The following MAML3 variants were observed in gnomAD, a reference collection of about 807,000 sequenced individuals.
MAML3 encodes the protein mastermind like transcriptional coactivator 3.
Under a neutral mutation model 101.9 loss-of-function variants are expected in MAML3, and 27 were observed. The observed-to-expected ratio is 0.27, with a 90% CI of 0.20 to 0.37. The LOEUF is 0.37. Ranked by LOEUF, MAML3 falls within the 10% of genes least tolerant of loss-of-function variation. The pLI is 1.00. For missense variants in MAML3, 1,316 were observed against 1,444.9 expected (o/e 0.91, Z 1.45); for synonymous variants, 501 against 555.9 (o/e 0.90, Z 1.39).
intron 1 of MAML3, among the ~76,000 whole-genome samples, chr4:140,038,738 C>A (rs1282251541): frequency 6.6e-6 from 1 of 152,184 alleles, no homozygotes; most frequent in Non-Finnish European, 1.5e-5. Context: ...ACACAGGGAA[C>A]AGAGGCTAGC....
intron 1 of MAML3, among the ~76,000 whole-genome samples, chr4:140,130,547 A>C (rs1360710722): frequency 6.6e-6 from 1 of 152,214 alleles, no homozygotes; most frequent in Non-Finnish European, 1.5e-5. Flanking sequence ...TTTGGATATT[A>C]TTTGGCCTTG....
At chr4:139,832,108 T>TCCCA (rs1477403833) in intron 2 of MAML3, among the ~76,000 whole-genome samples, 21 of 128,368 alleles carry the variant, frequency 1.6e-4, no homozygotes, top group Middle Eastern at 3.8e-3. Context: ...TTTTTTTTTT[T>TCCCA]TTTTTTTTTT....
At chr4:140,094,730 C>T (rs1006492820) in intron 1 of MAML3, among the ~76,000 whole-genome samples, 2 of 152,222 alleles carry the variant, frequency 1.3e-5, no homozygotes, top group Admixed American at 6.5e-5. Flanking sequence ...TGTAAAAATG[C>T]GGCTTCAAGC....
At chr4:140,116,867 T>C (rs912101575) in intron 1 of MAML3, among the ~76,000 whole-genome samples, 2 of 152,180 alleles carry the variant, frequency 1.3e-5, no homozygotes, top group African/African-American at 4.8e-5. Context: ...GAGATTTTTT[T>C]AAAAGCATAG....
chr4:140,112,447 G>A (rs1013566231), intron 1 of MAML3, among the ~76,000 whole-genome samples: 4 of 152,212 alleles, frequency 2.6e-5, no homozygotes, highest in African/African-American at 9.7e-5. Context: ...GTGCAGAATG[G>A]AAACATCACT....
chr4:139,868,784 A>C (rs1440068293), intron 2 of MAML3, among the ~76,000 whole-genome samples: 1 of 152,254 alleles, frequency 6.6e-6, no homozygotes, highest in African/African-American at 2.4e-5. Context: ...AATGTGAAAA[A>C]AAAATGAACT....
chr4:139,786,057 G>A (rs1037121587), intron 2 of MAML3, among the ~76,000 whole-genome samples: 1 of 151,938 alleles, frequency 6.6e-6, no homozygotes, highest in African/African-American at 2.4e-5. Flanking sequence ...ATTAGGGTAG[G>A]CACTAATCCG....
chr4:139,920,418 G>C (rs1460177197), intron 1 of MAML3, among the ~76,000 whole-genome samples: 1 of 152,206 alleles, frequency 6.6e-6, no homozygotes, highest in East Asian at 1.9e-4. Flanking sequence ...AGGTGTGTCT[G>C]TGCACTGGTG....
chr4:139,771,898 A>G (rs1183815556), intron 2 of MAML3, among the ~76,000 whole-genome samples: 1 of 150,904 alleles, frequency 6.6e-6, no homozygotes, highest in Non-Finnish European at 1.5e-5. Flanking sequence ...AATCATTGCT[A>G]TGTCTTGAAA....
chr4:139,974,647 T>C (rs927968388), intron 1 of MAML3, among the ~76,000 whole-genome samples: 5 of 152,186 alleles, frequency 3.3e-5, no homozygotes, highest in Non-Finnish European at 7.3e-5. Flanking sequence ...GAGACTCTTC[T>C]AGGTCTCAAG....
chr4:140,098,540 T>C (rs979937560), intron 1 of MAML3, among the ~76,000 whole-genome samples: 1 of 152,192 alleles, frequency 6.6e-6, no homozygotes, highest in African/African-American at 2.4e-5. Context: ...ATCCTTCCCG[T>C]ATCATCACCA....
At chr4:139,783,519 C>A (rs983828955) in intron 2 of MAML3, among the ~76,000 whole-genome samples, 5 of 152,214 alleles carry the variant, frequency 3.3e-5, no homozygotes, top group African/African-American at 1.2e-4. Context: ...CTTTCTGCTT[C>A]CAAGTGTCAA....
At chr4:139,992,100 C>A (rs548935132) in intron 1 of MAML3, among the ~76,000 whole-genome samples, 1 of 152,130 alleles carries the variant, frequency 6.6e-6, no homozygotes, top group African/African-American at 2.4e-5. Context: ...CAATTGGAAT[C>A]ATATAAATGT....
chr4:139,859,049 T>G (rs1452332737), intron 2 of MAML3, among the ~76,000 whole-genome samples: 2 of 152,130 alleles, frequency 1.3e-5, no homozygotes, highest in African/African-American at 4.8e-5. Flanking sequence ...ATACCAGCTC[T>G]CAGTGAATAT....
chr4:140,114,615 C>CGTAT (rs1728487890), intron 1 of MAML3, among the ~76,000 whole-genome samples: 1 of 152,202 alleles, frequency 6.6e-6, no homozygotes, highest in Non-Finnish European at 1.5e-5. Flanking sequence ...GGTGTATACA[C>CGTAT]GTATGTCTTT....
rs58270046 is a variant in MAML3, at chr4:139,863,832, G to GTTTTTTTTTTTT, written c.2079+25513_2079+25524dup. 9.2e-3 allele frequency among the ~76,000 whole-genome samples: 1,020 copies of GTTTTTTTTTTTT among 110,980 alleles called. 125 individuals are homozygous for GTTTTTTTTTTTT. Among genetic ancestry groups the GTTTTTTTTTTTT allele is most frequent in the East Asian group, 0.023 (53 of 2,270 alleles). 72.8% of individuals were successfully genotyped at this position (110,980 alleles called of 152,430 possible). On this transcript the variant is annotated intron_variant, in intron 2 of 4. Coordinates refer to ENST00000509479, the MANE Select transcript of MAML3 (RefSeq NM_018717.5). ...TTTCTGTGGTAATACCAGAACATGGGTTTTTTTTTTTTTTTTTTTTTTTTG... is the reference window on the plus strand; with the variant it reads ...TTTCTGTGGTAATACCAGAACATGGGTTTTTTTTTTTTTTTTTTTTTTTTTTTTTTTTTTTTG...
intron 1 of MAML3, among the ~76,000 whole-genome samples, chr4:140,001,139 G>A (rs993563275): frequency 5.3e-5 from 8 of 152,192 alleles, no homozygotes; most frequent in African/African-American, 1.9e-4. Flanking sequence ...GATTGATTTT[G>A]CTGTTTCAGC....
At chr4:139,741,220 T>A (rs142880117) in intron 2 of MAML3, among the ~76,000 whole-genome samples, 10 of 152,256 alleles carry the variant, frequency 6.6e-5, no homozygotes, top group African/African-American at 2.4e-4. Flanking sequence ...CTTCTCCTTA[T>A]GTAAAGATTG....
At chr4:140,082,932 T>G (rs1425771957) in intron 1 of MAML3, among the ~76,000 whole-genome samples, 2 of 152,148 alleles carry the variant, frequency 1.3e-5, no homozygotes, top group African/African-American at 4.8e-5. Flanking sequence ...AGGCAATCCC[T>G]GAAAACAGGC....
Sources: gnomAD v4.1 joint callset for allele counts (sites outside exome capture counted in the v4.1 genomes callset) on GRCh38, gnomAD v4.1.1 for gene constraint, MANE v1.5 for transcripts, NCBI Gene and HGNC (gene_info 2026-07-23, HGNC 2026-07-21) for gene names.